COG8: variants seen among roughly 807,000 people sequenced by gnomAD.
The protein encoded by COG8 is component of oligomeric golgi complex 8.
COG8 carries 45 observed loss-of-function variants against 46.5 expected under a neutral mutation model. The observed-to-expected ratio is 0.97, with a 90% confidence interval of 0.76 to 1.24. The LOEUF (loss-of-function observed/expected upper bound fraction) is 1.24. COG8 is among the 50% of genes most tolerant of loss of function. The pLI is 0.00. For missense variants in COG8, 793 were observed against 820.8 expected (o/e 0.97, Z 0.41); for synonymous variants, 407 against 347.8 (o/e 1.17, Z -1.90).
chr16:69,334,899 C>G lies in COG8; in HGVS notation c.1035G>C (p.Leu345=). Residue 345 remains leucine (L), a synonymous_variant, in exon 3 of 6, where the codon CTG becomes CTC. Transcript: ENST00000306875. ...GCCCAAAGTACATGCACTGGCCCAGCAGAGAGTCCAGGTGGCCGCCTATGC... is the reference window on the plus strand; with the variant it reads ...GCCCAAAGTACATGCACTGGCCCAGGAGAGAGTCCAGGTGGCCGCCTATGC... ...YRGIGGHLDS[L]LGQCMYFGLS... is the part of the protein sequence containing the mutation. 1 of 1,614,196 alleles carries G rather than the reference C, an allele frequency of 6.2e-7. No homozygotes were observed. Among genetic ancestry groups the G allele is most frequent in the Non-Finnish European group, 8.5e-7 (1 of 1,180,032 alleles).
chr16:69,335,723 G>A (rs759327282), intron 2 of COG8, among the ~76,000 whole-genome samples: 17 of 151,868 alleles, frequency 1.1e-4, no homozygotes, highest in Non-Finnish European at 2.1e-4. Context: ...GGCAGAGGCA[G>A]GAGAATCACT....
At chr16:69,332,586 G>A (rs1360102516) in intron 4 of COG8, 128 bp downstream of exon 4, 3 of 939,770 alleles carry the variant, frequency 3.2e-6, no homozygotes, top group Admixed American at 3.6e-5. Context: ...GATCTTTTTG[G>A]AGTGATGGAA....
intron 1 of COG8, chr16:69,338,652 C>A (rs1173204693): frequency 6.5e-6 from 1 of 155,036 alleles, no homozygotes; most frequent in Non-Finnish European, 1.4e-5. Flanking sequence ...TAGCTGTGTC[C>A]TTGGACGTCA....
In COG8 at chr16:69,329,174, C is replaced by A; in HGVS notation, c.*32G>T. On this transcript the variant is annotated 3_prime_UTR_variant, in exon 6 of 6. Transcript: ENST00000306875. ...CACACCACCTGTTCTCCATTGGGGT[C>A]CAGCCCTGCAAAGGAAGTTACAGCC... 6.3e-7 allele frequency: 1 copy of A among 1,596,694 alleles called. No individual in the cohort carries two copies. Among genetic ancestry groups the A allele is most frequent in the Non-Finnish European group, 8.5e-7 (1 of 1,174,376 alleles).
rs1345046928 is a variant in COG8, at chr16:69,328,948, G to A, written c.*258C>T. On this transcript the variant is annotated 3_prime_UTR_variant, in exon 6 of 6. Coordinates refer to ENST00000306875, the MANE Select transcript of COG8 (RefSeq NM_032382.5). ...TGCGAGCCATCCAAGTTGATGCCAA[G>A]TAAGATTTGCCCAGCTCAAAGTGAA... 14 of 1,544,866 alleles carry A rather than the reference G, an allele frequency of 9.1e-6. No individual in the cohort carries two copies. In the Admixed American group the frequency reaches 2.3e-4, roughly 25 times the overall value.
Position 69,339,166 on chromosome 16 carries a change from C to T in COG8, c.377+10G>A, listed in dbSNP as rs766794249. On this transcript the variant is annotated intron_variant, in intron 1 of 5. Coordinates refer to ENST00000306875, the MANE Select transcript of COG8 (RefSeq NM_032382.5). ...GTTATAAAACCCCTTTAGCGCCAGGCGCGTCGCACCTGCAGCTCTGCTGGA... is the reference window on the plus strand; with the variant it reads ...GTTATAAAACCCCTTTAGCGCCAGGTGCGTCGCACCTGCAGCTCTGCTGGA... The T allele has an allele frequency of 2.2e-5, 36 of 1,612,818 alleles. No individual in the cohort carries two copies. The highest frequency in any genetic ancestry group is 3.0e-5 in the Non-Finnish European group (35 of 1,179,894).
intron 1 of COG8, among the ~76,000 whole-genome samples, chr16:69,338,906 C>T (rs2012363498): frequency 6.6e-6 from 1 of 152,176 alleles, no homozygotes; most frequent in Middle Eastern, 3.2e-3. Flanking sequence ...AGGAGAATCG[C>T]TTGAACCCAG....
At position 69,329,004 on chromosome 16, in the gene COG8, A is replaced by G; in HGVS notation, c.*202T>C. ...TTGCGTCTTGGTATCCGGAATCCTC[A>G]GCCCCAGTAGCAAAGCTTTAGTCAT... On this transcript the variant is annotated 3_prime_UTR_variant, in exon 6 of 6. Transcript: ENST00000306875. 6.3e-7 allele frequency: 1 copy of G among 1,597,468 alleles called. No individual in the cohort carries two copies. The highest frequency in any genetic ancestry group is 1.1e-5 in the South Asian group (1 of 88,564).
At chr16:69,333,048 TC>T (rs2011982549) in intron 3 of COG8, among the ~76,000 whole-genome samples, 166 bp from the exon 4 acceptor site, 1 of 152,130 alleles carries the variant, frequency 6.6e-6, no homozygotes, top group African/African-American at 2.4e-5. Context: ...ATGGTCATTG[TC>T]CACAATTGTG....
At position 69,336,607 on chromosome 16, in the gene COG8, G is replaced by A. The variant is rs1227867371; in HGVS notation, c.483C>T (p.Leu161=). 6 of 1,614,054 alleles carry A rather than the reference G, an allele frequency of 3.7e-6. No homozygotes were observed. The highest frequency in any genetic ancestry group is 2.2e-5 in the South Asian group (2 of 91,092). The part of the protein sequence containing the change: ...EILEILEIPQ[L]MDTCVRNSYY... ...AACTGTTCCGGACACAGGTGTCCAT[G>A]AGCTGAGGAATCTCCAGTATTTCCA... Residue 161 remains leucine (L), a synonymous_variant, in exon 2 of 6, where the codon CTC becomes CTT. Transcript: ENST00000306875.
rs990569347 is a variant in COG8, at chr16:69,334,885, A to G, written c.1049T>C (p.Met350Thr). The G allele has an allele frequency of 5.6e-6, 9 of 1,614,054 alleles. No individual in the cohort carries two copies. Among genetic ancestry groups the G allele is most frequent in the Non-Finnish European group, 5.1e-6 (6 of 1,180,038 alleles). Residue 350 changes from methionine to threonine, a missense_variant, in exon 3 of 6, where the codon ATG becomes ACG. Met to Thr is a moderately conservative substitution (Grantham distance 81). Transcript: ENST00000306875. ...CCGGCTGAAGGACAGCCCAAAGTAC[A>G]TGCACTGGCCCAGCAGAGAGTCCAG... ...GHLDSLLGQC[M>T]YFGLSFSRVG... is the part of the protein sequence containing the mutation.
At chr16:69,338,001 G>A (rs912318776) in intron 1 of COG8, among the ~76,000 whole-genome samples, 3 of 152,080 alleles carry the variant, frequency 2.0e-5, no homozygotes, top group African/African-American at 7.2e-5. Context: ...CAAAGTGCTG[G>A]GATTACAGGT....
rs922644213 is a variant in COG8, at chr16:69,328,742, G to T, written c.*464C>A. On this transcript the variant is annotated 3_prime_UTR_variant, in exon 6 of 6. Transcript: ENST00000306875. Reference sequence around the variant, plus strand: ...CGAGGAACTCGTGTCTACTGCAGACGAATGCAATTACCCCACCTTCCTCCA... The same window carrying T: ...CGAGGAACTCGTGTCTACTGCAGACTAATGCAATTACCCCACCTTCCTCCA... The T allele has an allele frequency of 2.4e-6, 1 of 409,272 alleles. No homozygotes were observed. Among genetic ancestry groups the T allele is most frequent in the Non-Finnish European group, 4.3e-6 (1 of 230,354 alleles). The allele number at this position is 409,272 out of a possible 1,614,324, so 25.4% of individuals were successfully genotyped here.
intron 1 of COG8, among the ~76,000 whole-genome samples, chr16:69,337,818 C>G (rs1385783881): frequency 6.6e-6 from 1 of 151,882 alleles, no homozygotes; most frequent in African/African-American, 2.4e-5. Context: ...TCACTGCAAC[C>G]TCCGCTTCTC....
chr16:69,330,020 C>T (rs1174751763), intron 5 of COG8: 10 of 1,540,630 alleles, frequency 6.5e-6, no homozygotes, highest in Admixed American at 2.0e-5. Flanking sequence ...CGCCTGGAAG[C>T]GGGGCACGCA....
At chr16:69,333,456 C>G (rs1291804296) in intron 3 of COG8, among the ~76,000 whole-genome samples, 1 of 152,218 alleles carries the variant, frequency 6.6e-6, no homozygotes, top group Non-Finnish European at 1.5e-5. Flanking sequence ...GCGTGAGCCA[C>G]TGCGCCCGGC....
chr16:69,329,202 G>C, intron 5 of COG8, 23 bp from the exon 6 acceptor site: 1 of 1,564,932 alleles, frequency 6.4e-7, no homozygotes. Context: ...TTACAGCCCT[G>C]GTGAGTGGGA....
chr16:69,332,616 A>C (rs2011949196), intron 4 of COG8, 98 bp downstream of exon 4: 2 of 1,156,268 alleles, frequency 1.7e-6, no homozygotes, highest in East Asian at 4.7e-5. Context: ...AATTGGATTC[A>C]TATTTACTAA....
Position 69,330,857 on chromosome 16 carries a change from C to T in COG8, c.1821G>A (p.Pro607=). 6.5e-7 allele frequency: 1 copy of T among 1,541,410 alleles called. No homozygotes were observed. The highest frequency in any genetic ancestry group is 8.7e-7 in the Non-Finnish European group (1 of 1,145,258). Reference sequence around the variant, plus strand: ...ACGCCGGCTAGGGCCCCACGCTGGGCGGTTCGGCCTGCGTCTCCGCTCGCC... The same window carrying T: ...ACGCCGGCTAGGGCCCCACGCTGGGTGGTTCGGCCTGCGTCTCCGCTCGCC... ...EGGRAETQAE[P]PSVGP is the part of the protein sequence containing the mutation. The change falls in exon 5 of 6, where the codon CCG becomes CCA. Residue 607 remains proline (P), a synonymous_variant. Transcript: ENST00000306875.
Sources: gnomAD v4.1 joint callset for allele counts (sites outside exome capture counted in the v4.1 genomes callset) on GRCh38, gnomAD v4.1.1 for gene constraint, MANE v1.5 for transcripts, NCBI Gene and HGNC (gene_info 2026-07-23, HGNC 2026-07-21) for gene names.